The following CHID1 variants were observed in gnomAD, a reference collection of about 807,000 sequenced individuals.
CHID1 encodes chitinase domain containing 1, also known as chitinase domain-containing protein 1.
In CHID1, 44 loss-of-function variants were observed where a neutral mutation model predicts 55.4. The ratio of observed to expected loss-of-function variants is 0.79; its 90% CI spans 0.62 to 1.02. The LOEUF (loss-of-function observed/expected upper bound fraction) is 1.02, where lower values mean the gene tolerates loss of function less well. Among genes scored for constraint, CHID1 ranks in the 50% least tolerant of loss-of-function variants. The pLI, the probability that CHID1 is intolerant of heterozygous loss-of-function variation, is 0.00. For missense variants in CHID1, 491 were observed against 515.3 expected (o/e 0.95, Z 0.46); for synonymous variants, 216 against 212.9 (o/e 1.01, Z -0.13).
rs1040582207 is a variant in CHID1 at position 900,047 on chromosome 11, T to A, written c.503A>T (p.Asp168Val). The change falls in exon 6 of 13, where the codon GAT becomes GTT. Residue 168 changes from aspartate (D) to valine (V), a missense_variant. Transcript: ENST00000323578. ...DDFRNVLDSE[D>V]EIEELSKTVV... ...GGTCTTGCTCAGCTCCTCTATCTCA[T>A]CCTCACTGTCTAAGACGTTCCGGAA... 3.7e-6 allele frequency: 6 copies of A among 1,614,064 alleles called. No individual in the cohort carries two copies. Among genetic ancestry groups the A allele is most frequent in the Middle Eastern group, 1.6e-4 (1 of 6,062 alleles).
chr11:911,053 C>A (rs895306591), upstream of CHID1: 1 of 153,184 alleles, frequency 6.5e-6, no homozygotes, highest in African/African-American at 2.4e-5. Context: ...TATCAGGTTC[C>A]CGGCCCAGGG....
intron 8 of CHID1, among the ~76,000 whole-genome samples, chr11:888,754 G>A (rs112735267): frequency 1.2e-3 from 180 of 151,962 alleles, no homozygotes; most frequent in African/African-American, 4.0e-3. Flanking sequence ...GTGCCCACTC[G>A]GCCTCGACTG....
At chr11:901,095 C>T (rs1003262058) in intron 4 of CHID1, 115 bp from the exon 5 acceptor site, 4 of 939,676 alleles carry the variant, frequency 4.3e-6, no homozygotes, top group East Asian at 6.0e-5. Flanking sequence ...AGGGCAGGGG[C>T]GGGCAGGCAG....
rs1409874456 is a variant in CHID1, at chr11:889,553, G to T, written c.701+3874C>A. ...CATCTTCCAGCCACCCAGCAGGGGA[G>T]AGCCATAGTCTCTGACCTCCATTCA... On this transcript the variant is annotated intron_variant, in intron 8 of 12. Coordinates refer to ENST00000323578, the MANE Select transcript of CHID1 (RefSeq NM_023947.4). Among the ~76,000 whole-genome samples the T allele has an allele frequency of 3.9e-5, 6 of 152,132 alleles. No homozygotes were observed. The East Asian group carries it at 1.2e-3, about 29-fold the overall frequency.
intron 1 of CHID1, among the ~76,000 whole-genome samples, chr11:907,552 C>T (rs1487012929): frequency 6.6e-6 from 1 of 152,118 alleles, no homozygotes; most frequent in East Asian, 1.9e-4. Context: ...GGAGCTGAAC[C>T]ACCACCATAG....
intron 10 of CHID1, among the ~76,000 whole-genome samples, chr11:882,054 T>C (rs563868100): frequency 1.4e-3 from 214 of 147,790 alleles, no homozygotes; most frequent in Non-Finnish European, 2.0e-3. Context: ...CAGCCCGGTG[T>C]GGTGGCTCAC....
intron 1 of CHID1, among the ~76,000 whole-genome samples, chr11:909,312 C>G (rs1852463379): frequency 6.6e-6 from 1 of 152,270 alleles, no homozygotes; most frequent in Non-Finnish European, 1.5e-5. Flanking sequence ...TGCCAATGAC[C>G]TTCCCTTGGG....
chr11:882,140 T>C (rs941338252), intron 10 of CHID1, among the ~76,000 whole-genome samples: 67 of 152,048 alleles, frequency 4.4e-4, no homozygotes, highest in Middle Eastern at 3.4e-3. Context: ...TCCTGGCTAA[T>C]GCGGTGAAAT....
chr11:899,963 G>A (rs769677054), intron 6 of CHID1, 41 bp downstream of exon 6: 5 of 1,505,612 alleles, frequency 3.3e-6, no homozygotes, highest in Admixed American at 1.7e-5. Context: ...GTGGGACCCG[G>A]GGGGCTGTGC....
At chr11:893,837 T>TA (rs879432811) in intron 7 of CHID1, among the ~76,000 whole-genome samples, 123 of 138,838 alleles carry the variant, frequency 8.9e-4, no homozygotes, top group African/African-American at 1.5e-3. Flanking sequence ...CATGGCAGAT[T>TA]AAAAAAAAAA....
intron 8 of CHID1, among the ~76,000 whole-genome samples, chr11:888,021 G>C (rs1451421162): frequency 1.3e-5 from 2 of 152,220 alleles, no homozygotes; most frequent in African/African-American, 4.8e-5. Flanking sequence ...AGCAGGAAGG[G>C]GCAGTCCTGC....
At chr11:885,152 C>T (rs1379600301) in intron 8 of CHID1, among the ~76,000 whole-genome samples, 1 of 152,222 alleles carries the variant, frequency 6.6e-6, no homozygotes, top group African/African-American at 2.4e-5. Flanking sequence ...GGGCCCTGAT[C>T]TCCCTCAGTT....
upstream of CHID1, among the ~76,000 whole-genome samples, chr11:912,837 CAAAAAAA>C (rs59345654): frequency 7.4e-6 from 1 of 135,932 alleles, no homozygotes; most frequent in South Asian, 2.4e-4. Flanking sequence ...GACTCTGCCT[CAAAAAAA>C]AAAAAAAGAA....
upstream of CHID1, among the ~76,000 whole-genome samples, chr11:913,435 A>AT (rs1252547829): frequency 6.6e-6 from 1 of 152,162 alleles, no homozygotes; most frequent in Non-Finnish European, 1.5e-5. Context: ...AAATTGCTTA[A>AT]TTGAGTTTAT....
At chr11:914,745 A>C, upstream of CHID1, 1 of 343,564 alleles carries the variant, frequency 2.9e-6, no homozygotes, top group Non-Finnish European at 5.6e-6. Flanking sequence ...AATTACTCAC[A>C]CCTGGTTGTT....
chr11:902,065 CAGAGA>C, intron 4 of CHID1, 128 bp downstream of exon 4: 1 of 955,450 alleles, frequency 1.0e-6, no homozygotes. Flanking sequence ...TTAAATCACG[CAGAGA>C]CACACACACA....
chr11:900,067 C>A lies in CHID1; in HGVS notation c.483G>T (p.Arg161=). ...TCTCATCCTCACTGTCTAAGACGTT[C>A]CGGAAATCATCGTAAGTCCAGTCCT... ...LFEDWTYDDF[R]NVLDSEDEIE... The change falls in exon 6 of 13, where the codon CGG becomes CGT. Residue 161 remains arginine, a synonymous_variant. Coordinates refer to ENST00000323578, the MANE Select transcript of CHID1 (RefSeq NM_023947.4). The A allele has an allele frequency of 6.2e-7, 1 of 1,614,070 alleles. No homozygotes were observed. The highest frequency in any genetic ancestry group is 8.5e-7 in the Non-Finnish European group (1 of 1,180,014).
chr11:871,037 C>T (rs1257828088), intron 10 of CHID1, among the ~76,000 whole-genome samples: 2 of 144,560 alleles, frequency 1.4e-5, no homozygotes, highest in African/African-American at 5.2e-5. Flanking sequence ...GTCGCCCAGG[C>T]TGGTGTACAG....
chr11:899,329 T>C lies in CHID1; in HGVS notation c.608+11A>G. ...GAGGAGGGCCACCCACCACCACCTG[T>C]GCCCACTCACACGCGCTTCTGGCTT... On this transcript the variant is annotated intron_variant, in intron 7 of 12. Coordinates refer to ENST00000323578, the MANE Select transcript of CHID1 (RefSeq NM_023947.4). 2 of 1,595,486 alleles carry C rather than the reference T, an allele frequency of 1.3e-6. No individual in the cohort carries two copies. The highest frequency in any genetic ancestry group is 8.5e-7 in the Non-Finnish European group (1 of 1,170,774).
Sources: gnomAD v4.1 joint callset for allele counts (sites outside exome capture counted in the v4.1 genomes callset) on GRCh38, gnomAD v4.1.1 for gene constraint, MANE v1.5 for transcripts, NCBI Gene and HGNC (gene_info 2026-07-23, HGNC 2026-07-21) for gene names.